The following METTL15 variants were observed in gnomAD, a reference collection of about 807,000 sequenced individuals.
METTL15 encodes methyltransferase 15, mitochondrial 12S rRNA N4-cytidine.
A neutral mutation model predicts 38.3 loss-of-function variants in METTL15; 34 were observed. The observed-to-expected ratio is 0.89, with a 90% confidence interval of 0.68 to 1.18. The LOEUF (loss-of-function observed/expected upper bound fraction) is 1.18. Among genes scored for constraint, METTL15 ranks in the 50% most tolerant of loss-of-function variants. The pLI, the probability that METTL15 is intolerant of heterozygous loss-of-function variation, is 0.00. For synonymous variants in METTL15, 162 were observed against 170.9 expected (o/e 0.95, Z 0.41); for missense variants, 438 against 498.4 (o/e 0.88, Z 1.15).
chr11:28,132,128 A>T (rs554546035), intron 3 of METTL15, among the ~76,000 whole-genome samples: 2 of 152,302 alleles, frequency 1.3e-5, no homozygotes, highest in South Asian at 4.1e-4. Context: ...GGAAATGCCC[A>T]TGCTATGGAA....
At chr11:28,410,627 T>G (rs909857099) in intron 5 of METTL15, 1 of 152,058 alleles carries the variant, frequency 6.6e-6, no homozygotes, top group Non-Finnish European at 1.5e-5. Flanking sequence ...ATTTCTAACA[T>G]AATAAAGCCC....
intron 6 of METTL15, among the ~76,000 whole-genome samples, chr11:28,307,092 A>G (rs1489564260): frequency 6.6e-6 from 1 of 151,898 alleles, no homozygotes; most frequent in Non-Finnish European, 1.5e-5. Flanking sequence ...AGATGACTGT[A>G]TATTGCCTCA....
chr11:28,277,128 G>T (rs944416232), intron 4 of METTL15, among the ~76,000 whole-genome samples: 1 of 152,108 alleles, frequency 6.6e-6, no homozygotes, highest in Admixed American at 6.5e-5. Flanking sequence ...TTGAATGGGA[G>T]AAAATATTTA....
At chr11:28,272,562 C>T (rs1254654411) in intron 4 of METTL15, among the ~76,000 whole-genome samples, 1 of 152,120 alleles carries the variant, frequency 6.6e-6, no homozygotes, top group Non-Finnish European at 1.5e-5. Context: ...ACACTGGTGC[C>T]TGCCAGGGGG....
At chr11:28,148,415 T>G (rs1490270493) in intron 3 of METTL15, among the ~76,000 whole-genome samples, 1 of 151,886 alleles carries the variant, frequency 6.6e-6, no homozygotes, top group African/African-American at 2.4e-5. Flanking sequence ...TCTTGTTTCT[T>G]TCTTCACTCC....
chr11:28,296,708 A>G (rs1475807535), intron 5 of METTL15, 45 bp from the exon 6 acceptor site: 6 of 1,598,890 alleles, frequency 3.8e-6, no homozygotes, highest in South Asian at 1.1e-5. Flanking sequence ...CGTCTTGTCA[A>G]TGAGAACTGA....
At chr11:28,315,482 A>T (rs545164406) in intron 6 of METTL15, among the ~76,000 whole-genome samples, 2 of 152,350 alleles carry the variant, frequency 1.3e-5, no homozygotes, top group African/African-American at 4.8e-5. Flanking sequence ...ATTCAGTTTT[A>T]TAAGAGAAGC....
chr11:28,476,365 C>T (rs4370919), intron 6 of METTL15, among the ~76,000 whole-genome samples: 150,857 of 152,286 alleles, frequency 0.99, 74,742 homozygotes, highest in Middle Eastern at 1. Flanking sequence ...GAGTTGTTGT[C>T]GAAATGACCC....
At chr11:28,364,720 T>C (rs986029169) in intron 5 of METTL15, among the ~76,000 whole-genome samples, 5 of 152,188 alleles carry the variant, frequency 3.3e-5, no homozygotes, top group Non-Finnish European at 7.3e-5. Flanking sequence ...CTATGTTGAA[T>C]AGGAGTGTTA....
intron 3 of METTL15, among the ~76,000 whole-genome samples, 157 bp from the exon 4 acceptor site, chr11:28,210,905 A>T (rs1314239257): frequency 6.6e-6 from 1 of 152,062 alleles, no homozygotes; most frequent in African/African-American, 2.4e-5. Context: ...GCCAGATCTC[A>T]CATGTAACAA....
chr11:28,443,734 T>G (rs547297759), intron 6 of METTL15, among the ~76,000 whole-genome samples: 2 of 152,196 alleles, frequency 1.3e-5, no homozygotes, highest in Non-Finnish European at 2.9e-5. Flanking sequence ...ACAAACCCAT[T>G]AGGGAATCCT....
chr11:28,361,805 G>C (rs1159739797), intron 4 of METTL15: 1 of 152,260 alleles, frequency 6.6e-6, no homozygotes, highest in African/African-American at 2.4e-5. Context: ...CTGAACACAG[G>C]ACTCCTCTAA....
At chr11:28,378,096 C>G (rs1321213879) in intron 5 of METTL15, among the ~76,000 whole-genome samples, 1 of 152,104 alleles carries the variant, frequency 6.6e-6, no homozygotes, top group Non-Finnish European at 1.5e-5. Flanking sequence ...GCAGAGGTTA[C>G]TGCTGTCTTT....
intron 4 of METTL15, among the ~76,000 whole-genome samples, chr11:28,272,984 A>C (rs1378700236): frequency 6.6e-6 from 1 of 152,194 alleles, no homozygotes; most frequent in Admixed American, 6.5e-5. Context: ...AACTAATAGA[A>C]AATTCTCTAA....
intron 5 of METTL15, among the ~76,000 whole-genome samples, chr11:28,379,655 T>G (rs185237731): frequency 8.3e-4 from 127 of 152,354 alleles, no homozygotes; most frequent in African/African-American, 2.9e-3. Flanking sequence ...GAATGTTTCA[T>G]GTACTGATGA....
intron 4 of METTL15, among the ~76,000 whole-genome samples, chr11:28,235,174 T>G (rs1853893398): frequency 6.6e-6 from 1 of 152,116 alleles, no homozygotes; most frequent in Admixed American, 6.5e-5. Flanking sequence ...TATCTCTGTT[T>G]TGGTACCAGT....
chr11:28,263,652 T>G (rs2133944409), intron 4 of METTL15, among the ~76,000 whole-genome samples: 1 of 152,230 alleles, frequency 6.6e-6, no homozygotes, highest in Non-Finnish European at 1.5e-5. Flanking sequence ...ACTTAATAGA[T>G]GTGCAACATT....
intron 5 of METTL15, among the ~76,000 whole-genome samples, chr11:28,392,718 C>T (rs897011397): frequency 2.0e-5 from 3 of 151,994 alleles, no homozygotes; most frequent in Non-Finnish European, 4.4e-5. Flanking sequence ...AAAAGGCAAA[C>T]TATGTAATGG....
At chr11:28,160,035 A>G (rs1296204892) in intron 3 of METTL15, among the ~76,000 whole-genome samples, 1 of 152,096 alleles carries the variant, frequency 6.6e-6, no homozygotes, top group Non-Finnish European at 1.5e-5. Context: ...CTGGGTGGGC[A>G]TAATCTCATC....
Sources: allele counts gnomAD v4.1 joint callset (sites outside exome capture counted in the v4.1 genomes callset), GRCh38; gene constraint gnomAD v4.1.1; transcripts MANE v1.5; gene names NCBI Gene and HGNC (gene_info 2026-07-23, HGNC 2026-07-21).